The following PHF20 variants were observed in gnomAD, a reference collection of about 807,000 sequenced individuals.
The protein encoded by PHF20 is glioma-expressed antigen 2.
Under a neutral mutation model 113.5 loss-of-function variants are expected in PHF20, and 23 were observed. The observed-to-expected ratio is 0.20, with a 90% CI of 0.15 to 0.29. The LOEUF (loss-of-function observed/expected upper bound fraction) is 0.29. PHF20 is among the 10% of genes least tolerant of loss of function. The pLI is 1.00. For synonymous variants in PHF20, 434 were observed against 457.3 expected, an observed-to-expected ratio of 0.95 and a Z score of 0.65; for missense variants, 943 against 1,219.6, an observed-to-expected ratio of 0.77 and a Z score of 3.38.
chr20:35,872,216 T>C (rs2054435173), intron 9 of PHF20, among the ~76,000 whole-genome samples: 1 of 152,188 alleles, frequency 6.6e-6, no homozygotes, highest in Non-Finnish European at 1.5e-5. Flanking sequence ...CTTCCTAATA[T>C]GAGTATTTAA....
At chr20:35,924,815 G>C (rs1047071336) in intron 13 of PHF20, among the ~76,000 whole-genome samples, 50 of 151,688 alleles carry the variant, frequency 3.3e-4, no homozygotes, top group African/African-American at 1.1e-3. Flanking sequence ...GCTGACCTCA[G>C]GTGACCAACT....
At chr20:35,849,582 C>A in intron 4 of PHF20, 1 of 459,096 alleles carries the variant, frequency 2.2e-6, no homozygotes, top group South Asian at 1.6e-5. Context: ...TGGATTAGAG[C>A]TGATGGTCAG....
intron 14 of PHF20, among the ~76,000 whole-genome samples, chr20:35,929,590 C>G (rs961894438): frequency 4.6e-5 from 7 of 152,270 alleles, no homozygotes; most frequent in African/African-American, 1.7e-4. Flanking sequence ...TGGGGTTCCC[C>G]CATATATTCC....
At chr20:35,855,211 T>C in intron 4 of PHF20, 1 of 1,287,918 alleles carries the variant, frequency 7.8e-7, no homozygotes, top group Non-Finnish European at 1.0e-6. Flanking sequence ...TAGAATTCCA[T>C]AGCATTGTTT....
rs1296315287 is a variant in PHF20, at chr20:35,948,377, T to C, written c.*750T>C. 3 of 152,620 alleles carry C rather than the reference T, an allele frequency of 2.0e-5. No individual in the cohort carries two copies. The highest frequency in any genetic ancestry group is 1.9e-4 in the East Asian group (1 of 5,196). The allele number at this position is 152,620 out of a possible 1,614,324, so 9.5% of individuals were successfully genotyped here. On this transcript the variant is annotated 3_prime_UTR_variant, in exon 18 of 18. Coordinates refer to ENST00000374012, the MANE Select transcript of PHF20 (RefSeq NM_016436.5). ...AGGGTCTGGAACCCAAAGGACAGCA[T>C]TTTCTACCCACTTCTTAATATTGAC...
At chr20:35,887,832 A>T (rs947454091) in intron 9 of PHF20, 23 of 151,360 alleles carry the variant, frequency 1.5e-4, no homozygotes, top group African/African-American at 4.9e-4. Flanking sequence ...AAAAAAGAAG[A>T]AGTTACAGGT....
At chr20:35,882,719 T>A (rs909118683) in intron 9 of PHF20, among the ~76,000 whole-genome samples, 1 of 152,134 alleles carries the variant, frequency 6.6e-6, no homozygotes, top group Admixed American at 6.6e-5. Context: ...CCCAGCCCTA[T>A]CTTCTTTCAC....
rs34412788 is a variant in PHF20 at position 35,904,277 on chromosome 20, A to ATTTTT, written c.1561+4650_1561+4654dup. On this transcript the variant is annotated intron_variant, in intron 10 of 17. Transcript: ENST00000374012. ...TACCCCCTTTATGCTGAATGCTCTG[A>ATTTTT]TTTTTTTTTTTTTTTTTTTTTTTTT... 2.3e-4 allele frequency among the ~76,000 whole-genome samples: 23 copies of ATTTTT among 98,910 alleles called. 1 individual carries two copies. The highest frequency in any genetic ancestry group is 4.9e-4 in the African/African-American group (12 of 24,688). 64.9% of individuals were successfully genotyped at this position (98,910 alleles called of 152,430 possible). A position where few individuals can be genotyped will look rare whatever the true frequency, so the allele number is the denominator to read the frequency against.
chr20:35,793,044 C>T (rs1454489482), intron 1 of PHF20, among the ~76,000 whole-genome samples: 1 of 152,138 alleles, frequency 6.6e-6, no homozygotes, highest in East Asian at 1.9e-4. Flanking sequence ...GCAAAAGGTC[C>T]TCTTGGAGGC....
intron 4 of PHF20, among the ~76,000 whole-genome samples, chr20:35,849,827 A>G (rs745981811): frequency 6.6e-6 from 1 of 152,200 alleles, no homozygotes; most frequent in Admixed American, 6.5e-5. Context: ...CAGGGGATAT[A>G]GTGAAGTCAT....
In PHF20 at chr20:35,786,377, G is replaced by A. The variant is rs141074313; in HGVS notation, c.-33+14298G>A. Among the ~76,000 whole-genome samples the A allele has an allele frequency of 8.0e-3, 1,207 of 150,872 alleles. 17 individuals carry two copies. The highest frequency in any genetic ancestry group is 0.028 in the African/African-American group (1,147 of 41,024). ...CTGCATTCCAGCCTGGTGACACAGCGCGACTCCGTCTCAATAAATAAATAA... is the reference window on the plus strand; with the variant it reads ...CTGCATTCCAGCCTGGTGACACAGCACGACTCCGTCTCAATAAATAAATAA... On this transcript the variant is annotated intron_variant, in intron 1 of 17. Transcript: ENST00000374012.
chr20:35,893,741 A>C (rs1211361795), intron 9 of PHF20, among the ~76,000 whole-genome samples: 1 of 151,600 alleles, frequency 6.6e-6, no homozygotes, highest in Non-Finnish European at 1.5e-5. Flanking sequence ...CAGCCCCCCG[A>C]GTAGCTGGGA....
intron 9 of PHF20, among the ~76,000 whole-genome samples, chr20:35,895,000 C>T (rs764698132): frequency 8.6e-5 from 13 of 152,046 alleles, no homozygotes; most frequent in African/African-American, 2.2e-4. Flanking sequence ...GATCTACAGG[C>T]GCGCACCATG....
chr20:35,808,569 A>T (rs1224026382), intron 2 of PHF20, among the ~76,000 whole-genome samples: 1 of 148,696 alleles, frequency 6.7e-6, no homozygotes, highest in African/African-American at 2.5e-5. Context: ...TCATTTATTT[A>T]TTTATTTTTA....
chr20:35,873,935 A>G (rs896361366), intron 9 of PHF20, among the ~76,000 whole-genome samples: 2 of 152,132 alleles, frequency 1.3e-5, no homozygotes, highest in African/African-American at 2.4e-5. Context: ...CATGAATTAT[A>G]TCTGTATATG....
intron 3 of PHF20, among the ~76,000 whole-genome samples, chr20:35,844,830 A>G (rs1182517144): frequency 6.6e-6 from 1 of 152,146 alleles, no homozygotes; most frequent in Admixed American, 6.6e-5. Context: ...TTTTAAGTGT[A>G]TGATTTCATA....
intron 9 of PHF20, among the ~76,000 whole-genome samples, chr20:35,898,938 G>T (rs2055042188): frequency 6.6e-6 from 1 of 151,880 alleles, no homozygotes. Flanking sequence ...TAATAAAGAT[G>T]GGGTTTTACC....
At chr20:35,889,111 G>A (rs2147032921) in intron 9 of PHF20, among the ~76,000 whole-genome samples, 1 of 150,464 alleles carries the variant, frequency 6.6e-6, no homozygotes, top group East Asian at 2.0e-4. Context: ...CTGCCTCTGG[G>A]CTCAAGCGAT....
intron 9 of PHF20, 26 bp downstream of exon 9, chr20:35,871,855 C>T (rs2146991428): frequency 6.6e-7 from 1 of 1,525,296 alleles, no homozygotes; most frequent in Non-Finnish European, 8.9e-7. Context: ...TAAATTAATC[C>T]TCTTTTTATA....
Sources: gnomAD v4.1 joint callset for allele counts (sites outside exome capture counted in the v4.1 genomes callset) on GRCh38, gnomAD v4.1.1 for gene constraint, MANE v1.5 for transcripts, NCBI Gene and HGNC (gene_info 2026-07-23, HGNC 2026-07-21) for gene names.